Variants in RBFOX1 observed in about 807,000 individuals in gnomAD.
The protein encoded by RBFOX1 is RNA binding fox-1 homolog 1.
RBFOX1 carries 8 observed loss-of-function variants against 57.7 expected under a neutral mutation model. The ratio of observed to expected loss-of-function variants is 0.14; its 90% CI spans 0.08 to 0.25. The LOEUF (loss-of-function observed/expected upper bound fraction) is 0.25, where lower values mean the gene tolerates loss of function less well. Among genes scored for constraint, RBFOX1 ranks in the 10% least tolerant of loss-of-function variants. The pLI is 1.00. For synonymous variants in RBFOX1, 326 were observed against 222.4 expected, an observed-to-expected ratio of 1.47 and a Z score of -4.15; for missense variants, 611 against 548.5, an observed-to-expected ratio of 1.11 and a Z score of -1.14.
At chr16:5,694,559 G>A (rs913620693) in intron 3 of RBFOX1, among the ~76,000 whole-genome samples, 1 of 152,102 alleles carries the variant, frequency 6.6e-6, no homozygotes, top group Non-Finnish European at 1.5e-5. Flanking sequence ...CTGCCTTGCT[G>A]TACTCTAGCT....
At chr16:5,588,250 G>T (rs13336429) in intron 2 of RBFOX1, among the ~76,000 whole-genome samples, 2,118 of 152,268 alleles carry the variant, frequency 0.014, 61 homozygotes, top group African/African-American at 0.047. Context: ...GAGTTTCATG[G>T]TGATGAAAAC....
intron 3 of RBFOX1, among the ~76,000 whole-genome samples, chr16:6,665,939 G>A (rs1432647133): frequency 6.6e-6 from 1 of 152,120 alleles, no homozygotes; most frequent in African/African-American, 2.4e-5. Flanking sequence ...CCCACATGTT[G>A]TGAGAGGGAC....
intron 2 of RBFOX1, among the ~76,000 whole-genome samples, chr16:6,456,479 C>T (rs534477015): frequency 6.6e-6 from 1 of 152,230 alleles, no homozygotes; most frequent in African/African-American, 2.4e-5. Flanking sequence ...TTGGGAAGAG[C>T]CACAGTCAAT....
intron 3 of RBFOX1, among the ~76,000 whole-genome samples, chr16:5,771,585 T>G (rs1235849680): frequency 1.3e-5 from 2 of 152,086 alleles, no homozygotes; most frequent in Non-Finnish European, 2.9e-5. Context: ...ATTTTTGTAT[T>G]TTTAGCAGAG....
intron 4 of RBFOX1, among the ~76,000 whole-genome samples, chr16:7,503,635 G>A (rs1269060944): frequency 6.6e-6 from 1 of 152,160 alleles, no homozygotes; most frequent in African/African-American, 2.4e-5. Context: ...TAGAAAAAGT[G>A]GGCTGGTGAA....
intron 3 of RBFOX1, among the ~76,000 whole-genome samples, chr16:5,828,824 G>T (rs957289075): frequency 6.6e-6 from 1 of 152,130 alleles, no homozygotes; most frequent in Non-Finnish European, 1.5e-5. Context: ...AAGAGAGTAA[G>T]GTGGCTGGAT....
At chr16:6,498,022 G>A (rs1278857237) in intron 2 of RBFOX1, among the ~76,000 whole-genome samples, 2 of 152,042 alleles carry the variant, frequency 1.3e-5, no homozygotes, top group Admixed American at 1.3e-4. Flanking sequence ...GCTGAGGCGG[G>A]TGGATCGCCT....
chr16:7,010,544 T>TG (rs1030221260), intron 3 of RBFOX1, among the ~76,000 whole-genome samples: 21 of 151,774 alleles, frequency 1.4e-4, no homozygotes, highest in South Asian at 2.1e-4. Flanking sequence ...CCCCTTTTTT[T>TG]TTTGTTTGTT....
intron 2 of RBFOX1, among the ~76,000 whole-genome samples, chr16:6,492,210 C>T (rs1189282403): frequency 6.6e-6 from 1 of 152,110 alleles, no homozygotes; most frequent in Admixed American, 6.6e-5. Flanking sequence ...ATGAAACAGG[C>T]ATTTTATATA....
At chr16:7,676,691 C>T in intron 13 of RBFOX1, 83 bp from the exon 14 acceptor site, 1 of 1,206,554 alleles carries the variant, frequency 8.3e-7, no homozygotes. Flanking sequence ...TGGGTAACAG[C>T]TGCTCTGGTG....
chr16:7,651,511 G>T (rs889387653), intron 11 of RBFOX1, among the ~76,000 whole-genome samples: 1 of 152,146 alleles, frequency 6.6e-6, no homozygotes, highest in South Asian at 2.1e-4. Flanking sequence ...TTTGCCTTTT[G>T]CTCCTTCTGC....
intron 2 of RBFOX1, among the ~76,000 whole-genome samples, chr16:5,527,271 A>G (rs1342405892): frequency 6.6e-6 from 1 of 152,094 alleles, no homozygotes; most frequent in African/African-American, 2.4e-5. Flanking sequence ...CTTTTTACCA[A>G]CAGCTTGCCC....
intron 1 of RBFOX1, among the ~76,000 whole-genome samples, chr16:6,193,696 A>T (rs112917853): frequency 5.4e-4 from 82 of 152,082 alleles, no homozygotes; most frequent in African/African-American, 1.9e-3. Flanking sequence ...TTCATTTTTC[A>T]GCCTGATTTT....
At position 6,846,033 on chromosome 16, in the gene RBFOX1, T is replaced by G. The variant is rs56330038; in HGVS notation, c.-16+191383T>G. On this transcript the variant is annotated intron_variant, in intron 3 of 15. Coordinates refer to ENST00000550418, the MANE Select transcript of RBFOX1 (RefSeq NM_018723.4). The stretch of plus-strand genomic sequence containing the variant: ...CTGTGCATCTGCTTCAGGCCATATT[T>G]CTGTCCCTCAACAAGCACATCACAG... Among the ~76,000 whole-genome samples, 408 of 152,360 alleles carry G rather than the reference T, an allele frequency of 2.7e-3. 1 individual carries two copies. The highest frequency in any genetic ancestry group is 4.7e-3 in the Non-Finnish European group (321 of 68,036).
intron 3 of RBFOX1, among the ~76,000 whole-genome samples, chr16:6,774,444 C>T (rs1042739000): frequency 6.6e-6 from 1 of 152,072 alleles, no homozygotes; most frequent in South Asian, 2.1e-4. Context: ...GTTCCAGAAG[C>T]AAATTAAATA....
intron 1 of RBFOX1, among the ~76,000 whole-genome samples, chr16:5,367,826 G>T (rs778429022): frequency 6.6e-6 from 1 of 152,140 alleles, no homozygotes; most frequent in East Asian, 1.9e-4. Flanking sequence ...TCTTAAACCT[G>T]GGTCTGTCTG....
At chr16:5,705,344 C>G (rs534011070) in intron 3 of RBFOX1, among the ~76,000 whole-genome samples, 11 of 152,088 alleles carry the variant, frequency 7.2e-5, no homozygotes, top group Admixed American at 3.9e-4. Flanking sequence ...TCACTGCAAC[C>G]TCGAACTTCT....
At chr16:6,823,841 T>A (rs1255161581) in intron 3 of RBFOX1, among the ~76,000 whole-genome samples, 3 of 152,134 alleles carry the variant, frequency 2.0e-5, no homozygotes, top group Admixed American at 2.0e-4. Flanking sequence ...ATCAGAGAAA[T>A]AGAGGGCTCT....
At chr16:5,245,800 T>A (rs2062284528) in intron 1 of RBFOX1, among the ~76,000 whole-genome samples, 1 of 152,236 alleles carries the variant, frequency 6.6e-6, no homozygotes, top group African/African-American at 2.4e-5. Flanking sequence ...AAGTCAATCA[T>A]GATTTGAAAA....
Sources: allele counts gnomAD v4.1 joint callset (sites outside exome capture counted in the v4.1 genomes callset), GRCh38; gene constraint gnomAD v4.1.1; transcripts MANE v1.5; gene names NCBI Gene and HGNC (gene_info 2026-07-23, HGNC 2026-07-21).